FLVCR1: variants seen among roughly 807,000 people sequenced by gnomAD.
FLVCR1 encodes the protein FLVCR choline and heme transporter 1.
Under a neutral mutation model 53.6 loss-of-function variants are expected in FLVCR1, and 34 were observed. The ratio of observed to expected loss-of-function variants is 0.63; its 90% CI spans 0.48 to 0.84. The LOEUF is 0.84. Ranked by LOEUF, FLVCR1 falls within the 40% of genes least tolerant of loss-of-function variation. The pLI, the probability that FLVCR1 is intolerant of heterozygous loss-of-function variation, is 0.00. For synonymous variants in FLVCR1, 300 were observed against 286.3 expected (o/e 1.05, Z -0.48); for missense variants, 677 against 696.7 (o/e 0.97, Z 0.32).
intron 3 of FLVCR1, among the ~76,000 whole-genome samples, chr1:212,878,213 A>G (rs925990809): frequency 1.3e-5 from 2 of 152,206 alleles, no homozygotes; most frequent in South Asian, 2.1e-4. Context: ...TTAAAATAAT[A>G]CAAGAGAGAC....
intron 8 of FLVCR1, among the ~76,000 whole-genome samples, chr1:212,891,251 A>G (rs1253203485): frequency 6.6e-6 from 1 of 151,296 alleles, no homozygotes; most frequent in African/African-American, 2.5e-5. Context: ...TCTACTAAAA[A>G]TACAAAAAAC....
rs1319691717 is a variant in FLVCR1, at chr1:212,865,981, G to GTTTTTTTTTTT, written c.883+2123_883+2133dup. On this transcript the variant is annotated intron_variant, in intron 2 of 9. Coordinates refer to ENST00000366971, the MANE Select transcript of FLVCR1 (RefSeq NM_014053.4). ...GCATTTGGCTAATTTTTGGGGTTTG[G>GTTTTTTTTTTT]TTTTTTTTTTTTTTTTTTTTTGAGA... Among the ~76,000 whole-genome samples, 79 of 41,290 alleles carry GTTTTTTTTTTT rather than the reference G, an allele frequency of 1.9e-3. 2 individuals carry two copies. The highest frequency in any genetic ancestry group is 2.4e-3 in the Non-Finnish European group (40 of 16,368). The allele number at this position is 41,290 out of a possible 152,430, so 27.1% of individuals were successfully genotyped here.
At chr1:212,881,944 T>C (rs2102562231) in intron 3 of FLVCR1, among the ~76,000 whole-genome samples, 1 of 152,254 alleles carries the variant, frequency 6.6e-6, no homozygotes, top group Middle Eastern at 3.4e-3. Context: ...TTAACAGTAA[T>C]CAAGGAAATA....
At chr1:212,874,036 T>A (rs1315500436) in intron 3 of FLVCR1, among the ~76,000 whole-genome samples, 3 of 152,202 alleles carry the variant, frequency 2.0e-5, no homozygotes, top group Non-Finnish European at 4.4e-5. Flanking sequence ...AGACGGAGTT[T>A]TGCTCTTGTT....
chr1:212,893,846 G>A (rs1374980017), intron 8 of FLVCR1, among the ~76,000 whole-genome samples: 1 of 152,268 alleles, frequency 6.6e-6, no homozygotes, highest in Middle Eastern at 3.4e-3. Flanking sequence ...CGCCATCTGG[G>A]CTCACTGCAA....
intron 2 of FLVCR1, among the ~76,000 whole-genome samples, chr1:212,865,981 G>T (rs200418977): frequency 0.11 from 4,415 of 40,846 alleles, 169 homozygotes; most frequent in East Asian, 0.28. Context: ...TTGGGGTTTG[G>T]TTTTTTTTTT....
At chr1:212,870,087 T>A (rs1324752825) in intron 2 of FLVCR1, 1 of 152,160 alleles carries the variant, frequency 6.6e-6, no homozygotes, top group Non-Finnish European at 1.5e-5. Context: ...ACAACAGACA[T>A]CCTAACAGTA....
At chr1:212,883,496 T>C in intron 4 of FLVCR1, 58 bp downstream of exon 4, 1 of 898,512 alleles carries the variant, frequency 1.1e-6, no homozygotes, top group South Asian at 1.4e-5. Context: ...TTTAGCAATA[T>C]AATTGTCGTT....
chr1:212,874,606 G>A (rs1250253302), intron 3 of FLVCR1, among the ~76,000 whole-genome samples: 1 of 140,174 alleles, frequency 7.1e-6, no homozygotes, highest in Non-Finnish European at 1.5e-5. Flanking sequence ...TCGGCTCACT[G>A]CAACCTCCAC....
rs199617780 is a variant in FLVCR1 at position 212,878,930 on chromosome 1, A to G, written c.1025-4441A>G. On this transcript the variant is annotated intron_variant, in intron 3 of 9. Coordinates refer to ENST00000366971, the MANE Select transcript of FLVCR1 (RefSeq NM_014053.4). The stretch of plus-strand genomic sequence containing the variant: ...CTTGAGCCCAGGAGGTCAAGGCTGC[A>G]GTGAGCTGTGTTTGTGCCACTGTAC... Among the ~76,000 whole-genome samples the G allele has an allele frequency of 5.3e-5, 8 of 152,154 alleles. No homozygotes were observed. The East Asian group carries it at 1.5e-3, about 29-fold the overall frequency.
chr1:212,858,448 G>A lies in FLVCR1; in HGVS notation c.-5G>A, dbSNP rs772978535. The A allele has an allele frequency of 7.0e-6, 10 of 1,435,054 alleles. No individual in the cohort carries two copies. The highest frequency in any genetic ancestry group is 9.1e-6 in the Non-Finnish European group (10 of 1,099,756). 88.9% of individuals were successfully genotyped at this position (1,435,054 alleles called of 1,614,324 possible). A position where few individuals can be genotyped will look rare whatever the true frequency, so the allele number is the denominator to read the frequency against. Reference sequence around the variant, plus strand: ...GGAGCGAGGTGGCGCCGGGGAGCCTGGGATATGGCGCGGCCAGACGATGAG... The same window carrying A: ...GGAGCGAGGTGGCGCCGGGGAGCCTAGGATATGGCGCGGCCAGACGATGAG... On this transcript the variant is annotated 5_prime_UTR_variant, in exon 1 of 10. Coordinates refer to ENST00000366971, the MANE Select transcript of FLVCR1 (RefSeq NM_014053.4).
intron 8 of FLVCR1, among the ~76,000 whole-genome samples, chr1:212,894,521 C>T (rs1296772885): frequency 6.6e-6 from 1 of 152,198 alleles, no homozygotes; most frequent in Non-Finnish European, 1.5e-5. Context: ...GCATTCCCTT[C>T]TGCCTAGAAT....
intron 5 of FLVCR1, among the ~76,000 whole-genome samples, chr1:212,886,920 GC>G (rs1480911710): frequency 2.0e-5 from 3 of 152,116 alleles, no homozygotes; most frequent in Non-Finnish European, 2.9e-5. Flanking sequence ...GGTTTCAGAG[GC>G]AGCATATTTT....
chr1:212,890,498 T>A (rs1241462075), intron 8 of FLVCR1, among the ~76,000 whole-genome samples: 1 of 152,180 alleles, frequency 6.6e-6, no homozygotes, highest in African/African-American at 2.4e-5. Flanking sequence ...TAATGTTTTT[T>A]AAAAATTTGT....
At chr1:212,873,169 T>C (rs1428150083) in intron 3 of FLVCR1, among the ~76,000 whole-genome samples, 3 of 151,822 alleles carry the variant, frequency 2.0e-5, no homozygotes, top group African/African-American at 7.3e-5. Flanking sequence ...AAAAATCAGC[T>C]GGGCATGGTG....
chr1:212,859,973 CAT>C (rs1405057854), intron 1 of FLVCR1, among the ~76,000 whole-genome samples: 1 of 152,100 alleles, frequency 6.6e-6, no homozygotes, highest in East Asian at 1.9e-4. Flanking sequence ...ATAAGGGACA[CAT>C]AAATGACTGC....
chr1:212,893,856 A>G (rs1456266533), intron 8 of FLVCR1, among the ~76,000 whole-genome samples: 1 of 152,092 alleles, frequency 6.6e-6, no homozygotes, highest in African/African-American at 2.4e-5. Flanking sequence ...GCTCACTGCA[A>G]CCTCTGCCTC....
chr1:212,896,140 T>C lies in FLVCR1; in HGVS notation c.*850T>C, dbSNP rs1414618889. On this transcript the variant is annotated 3_prime_UTR_variant, in exon 10 of 10. Coordinates refer to ENST00000366971, the MANE Select transcript of FLVCR1 (RefSeq NM_014053.4). The stretch of plus-strand genomic sequence containing the variant: ...TTTTTCTTTTAAACTCTCTTTTTTT[T>C]TTTTTCCTGATGTGTAACTTTCTAG... The C allele has an allele frequency of 6.6e-6, 1 of 152,150 alleles. No homozygotes were observed. 9.4% of individuals were successfully genotyped at this position (152,150 alleles called of 1,614,324 possible).
intron 2 of FLVCR1, 57 bp downstream of exon 2, chr1:212,863,926 A>G: frequency 1.4e-6 from 2 of 1,467,864 alleles, no homozygotes; most frequent in Non-Finnish European, 1.9e-6. Context: ...ATTTGAGAAT[A>G]ACTAACTCTG....
Sources: gnomAD v4.1 joint callset for allele counts (sites outside exome capture counted in the v4.1 genomes callset) on GRCh38, gnomAD v4.1.1 for gene constraint, MANE v1.5 for transcripts, NCBI Gene and HGNC (gene_info 2026-07-23, HGNC 2026-07-21) for gene names.